The following ASAH2 variants were observed in gnomAD, a reference collection of about 807,000 sequenced individuals.
The protein encoded by ASAH2 is N-acylsphingosine amidohydrolase 2, also known as neutral ceramidase.
ASAH2 carries 58 observed loss-of-function variants against 82.9 expected under a neutral mutation model. The ratio of observed to expected loss-of-function variants is 0.70; its 90% CI spans 0.57 to 0.87. ASAH2 has a LOEUF of 0.87. ASAH2 is among the 40% of genes least tolerant of loss of function. The pLI is 0.00. For missense variants in ASAH2, 779 were observed against 834.0 expected, an observed-to-expected ratio of 0.93 and a Z score of 0.81; for synonymous variants, 276 against 289.7, an observed-to-expected ratio of 0.95 and a Z score of 0.48.
intron 7 of ASAH2, among the ~76,000 whole-genome samples, chr10:50,231,743 A>T (rs1284071163): frequency 6.6e-6 from 1 of 152,194 alleles, no homozygotes; most frequent in Admixed American, 6.5e-5. Context: ...TTTATTAGGG[A>T]GTTTTTAGTG....
chr10:50,223,206 A>AT (rs1327430342), intron 7 of ASAH2, among the ~76,000 whole-genome samples: 5 of 151,634 alleles, frequency 3.3e-5, no homozygotes, highest in Admixed American at 6.6e-5. Context: ...AAACACTACA[A>AT]TTTTTTTTTC....
At chr10:50,203,753 A>G in intron 14 of ASAH2, 74 bp from the exon 15 acceptor site, 2 of 1,305,582 alleles carry the variant, frequency 1.5e-6, no homozygotes, top group Non-Finnish European at 1.1e-6. Flanking sequence ...ACTGGCAGTG[A>G]AAGCCAAAAA....
chr10:50,206,821 A>G (rs1311750999), intron 12 of ASAH2, among the ~76,000 whole-genome samples: 1 of 151,914 alleles, frequency 6.6e-6, no homozygotes, highest in Non-Finnish European at 1.5e-5. Flanking sequence ...GAAGATCAAC[A>G]GAAAACTTGA....
intron 2 of ASAH2, among the ~76,000 whole-genome samples, chr10:50,246,271 T>C (rs1242478348): frequency 1.3e-5 from 2 of 152,198 alleles, no homozygotes; most frequent in Non-Finnish European, 2.9e-5. Flanking sequence ...CACCCCAATG[T>C]TCTCAGCTAT....
intron 2 of ASAH2, among the ~76,000 whole-genome samples, chr10:50,246,656 G>C (rs1186930761): frequency 1.3e-5 from 2 of 152,172 alleles, no homozygotes; most frequent in African/African-American, 2.4e-5. Context: ...ATAGTTAATG[G>C]AGAGCATGTG....
intron 4 of ASAH2, among the ~76,000 whole-genome samples, chr10:50,241,114 A>G (rs1474470063): frequency 2.0e-5 from 3 of 152,224 alleles, no homozygotes; most frequent in Non-Finnish European, 2.9e-5. Context: ...CAACAGCCAC[A>G]TGAACAAACC....
intron 7 of ASAH2, among the ~76,000 whole-genome samples, chr10:50,230,356 T>G (rs1042084307): frequency 6.6e-6 from 1 of 152,158 alleles, no homozygotes; most frequent in African/African-American, 2.4e-5. Context: ...CTAGGTCATC[T>G]CCATGCTCTG....
At chr10:50,244,011 A>G (rs998583392) in intron 3 of ASAH2, among the ~76,000 whole-genome samples, 2 of 152,178 alleles carry the variant, frequency 1.3e-5, no homozygotes, top group South Asian at 2.1e-4. Context: ...AGGTAAAGAA[A>G]GGCAGATTTA....
At chr10:50,214,945 A>C (rs1845556174) in intron 8 of ASAH2, 77 bp from the exon 9 acceptor site, 2 of 1,564,556 alleles carry the variant, frequency 1.3e-6, no homozygotes, top group African/African-American at 2.7e-5. Context: ...TACAAACATT[A>C]AATCCACTCT....
chr10:50,241,675 G>A (rs997416968), intron 4 of ASAH2, among the ~76,000 whole-genome samples: 1 of 152,156 alleles, frequency 6.6e-6, no homozygotes, highest in Non-Finnish European at 1.5e-5. Context: ...TAAAGAAAAT[G>A]TGGCACATAT....
At chr10:50,233,036 A>G in intron 7 of ASAH2, 148 bp downstream of exon 7, 1 of 729,678 alleles carries the variant, frequency 1.4e-6, no homozygotes, top group Non-Finnish European at 2.5e-6. Flanking sequence ...CCTTGGCTGG[A>G]CCCCAGTTGT....
rs980518091 is a variant in ASAH2 at position 50,199,153 on chromosome 10, G to C, written c.1762-7C>G. 11 of 1,612,856 alleles carry C rather than the reference G, an allele frequency of 6.8e-6. No homozygotes were observed. In the African/African-American group the frequency reaches 1.5e-4, roughly 22 times the overall value. On this transcript the variant is annotated splice_region_variant and splice_polypyrimidine_tract_variant and intron_variant, in intron 16 of 20. Coordinates refer to ENST00000682911, the MANE Select transcript of ASAH2 (RefSeq NM_019893.4). ...CTGCCTCATATCGCTGAGCCTGCAG[G>C]AAAGGCAGGGAGAGTTGTATATGGT...
intron 12 of ASAH2, among the ~76,000 whole-genome samples, chr10:50,209,822 C>T (rs1051345648): frequency 1.9e-4 from 29 of 152,056 alleles, no homozygotes; most frequent in Non-Finnish European, 1.6e-4. Flanking sequence ...AAATGCAAAT[C>T]AAAACCACAA....
At chr10:50,212,853 C>T in intron 10 of ASAH2, 119 bp downstream of exon 10, 1 of 1,046,152 alleles carries the variant, frequency 9.6e-7, no homozygotes, top group Non-Finnish European at 1.5e-6. Context: ...TCTAGACTCC[C>T]CAGCACAACC....
chr10:50,236,487 T>G (rs1042222771), intron 4 of ASAH2, among the ~76,000 whole-genome samples: 2 of 152,050 alleles, frequency 1.3e-5, no homozygotes, highest in Non-Finnish European at 1.5e-5. Context: ...ACATGGGGAT[T>G]ATGGTAACTA....
intron 4 of ASAH2, among the ~76,000 whole-genome samples, chr10:50,239,361 G>A (rs890050039): frequency 6.6e-6 from 1 of 152,068 alleles, no homozygotes; most frequent in Non-Finnish European, 1.5e-5. Flanking sequence ...CAGATTGCAC[G>A]GAGATGTAAA....
At chr10:50,240,708 G>A (rs1202186325) in intron 4 of ASAH2, among the ~76,000 whole-genome samples, 2 of 152,120 alleles carry the variant, frequency 1.3e-5, no homozygotes, top group African/African-American at 4.8e-5. Context: ...GTGCCTCTCT[G>A]TGTTCATTCT....
At chr10:50,229,201 T>C (rs934641295) in intron 7 of ASAH2, among the ~76,000 whole-genome samples, 2 of 152,200 alleles carry the variant, frequency 1.3e-5, no homozygotes, top group African/African-American at 4.8e-5. Context: ...TTTTCCTCTA[T>C]TGGATGACAG....
intron 3 of ASAH2, among the ~76,000 whole-genome samples, chr10:50,244,848 T>TTC (rs1846403119): frequency 6.6e-6 from 1 of 152,016 alleles, no homozygotes; most frequent in African/African-American, 2.4e-5. Flanking sequence ...GCTTTTTTTT[T>TTC]CCTCAAAGTT....
Sources: gnomAD v4.1 joint callset for allele counts (sites outside exome capture counted in the v4.1 genomes callset) on GRCh38, gnomAD v4.1.1 for gene constraint, MANE v1.5 for transcripts, NCBI Gene and HGNC (gene_info 2026-07-23, HGNC 2026-07-21) for gene names.